SCAF4: variants seen among roughly 807,000 people sequenced by gnomAD.
SCAF4 encodes the protein SR-related CTD associated factor 4.
A neutral mutation model predicts 129.8 loss-of-function variants in SCAF4; 25 were observed. That is an observed-to-expected ratio of 0.19 (90% CI 0.14 to 0.27). The LOEUF is 0.27. Ranked by LOEUF, SCAF4 falls within the 10% of genes least tolerant of loss-of-function variation. The probability of loss-of-function intolerance (pLI) is 1.00; values close to 1 mark genes in which losing one functional copy is unlikely to be tolerated. For missense variants in SCAF4, 1,246 were observed against 1,457.1 expected (o/e 0.86, Z 2.36); for synonymous variants, 551 against 497.7 (o/e 1.11, Z -1.43).
chr21:31,694,421 T>A (rs1466443925), intron 10 of SCAF4, 132 bp from the exon 11 acceptor site: 1 of 588,312 alleles, frequency 1.7e-6, no homozygotes, highest in African/African-American at 1.9e-5. Flanking sequence ...GGGACCAAAT[T>A]ACTAGTAACA....
chr21:31,687,936 C>T (rs769553918), intron 16 of SCAF4, among the ~76,000 whole-genome samples: 1 of 151,512 alleles, frequency 6.6e-6, no homozygotes, highest in Non-Finnish European at 1.5e-5. Context: ...GGTGAAGCCC[C>T]GTCTCTACTA....
chr21:31,725,094 A>G (rs751284189), intron 1 of SCAF4, among the ~76,000 whole-genome samples: 1 of 152,148 alleles, frequency 6.6e-6, no homozygotes, highest in Non-Finnish European at 1.5e-5. Flanking sequence ...AACTCCTGGG[A>G]TAACAGCACA....
At chr21:31,710,654 G>A (rs1405963488) in intron 1 of SCAF4, among the ~76,000 whole-genome samples, 4 of 152,168 alleles carry the variant, frequency 2.6e-5, no homozygotes, top group South Asian at 2.1e-4. Flanking sequence ...TGAGCACCAG[G>A]ACAAAGTAGA....
intron 4 of SCAF4, 83 bp from the exon 5 acceptor site, chr21:31,702,462 A>G: frequency 8.1e-7 from 1 of 1,240,734 alleles, no homozygotes; most frequent in Non-Finnish European, 1.1e-6. Flanking sequence ...AGAGAGGAAA[A>G]CTCCCTAGGC....
chr21:31,691,975 A>G, intron 13 of SCAF4, 45 bp from the exon 14 acceptor site: 1 of 1,046,026 alleles, frequency 9.6e-7, no homozygotes, highest in African/African-American at 1.6e-5. Flanking sequence ...CAAAATTGAA[A>G]AGCAACAAGA....
chr21:31,725,495 T>C (rs2123692388), intron 1 of SCAF4, among the ~76,000 whole-genome samples: 1 of 152,314 alleles, frequency 6.6e-6, no homozygotes, highest in South Asian at 2.1e-4. Flanking sequence ...TCATAAAGCC[T>C]AATTTATGTC....
chr21:31,725,677 GA>G (rs1295132974), intron 1 of SCAF4, among the ~76,000 whole-genome samples: 1 of 152,108 alleles, frequency 6.6e-6, no homozygotes, highest in Non-Finnish European at 1.5e-5. Flanking sequence ...GTTTTCATAT[GA>G]ATACTAAGAT....
chr21:31,711,239 G>A (rs1431730311), intron 1 of SCAF4, among the ~76,000 whole-genome samples: 1 of 152,130 alleles, frequency 6.6e-6, no homozygotes, highest in East Asian at 1.9e-4. Flanking sequence ...CAAAATTGGA[G>A]GTTTGCAAAA....
At chr21:31,685,023 A>T in intron 19 of SCAF4, 26 bp downstream of exon 19, 2 of 1,396,592 alleles carry the variant, frequency 1.4e-6, no homozygotes, top group Non-Finnish European at 2.0e-6. Flanking sequence ...GGCAAGGAAA[A>T]CTAATGATAA....
rs1042296295 is a variant in SCAF4 at position 31,692,254 on chromosome 21, G to A, written c.1614+95C>T. ...AAATTCTAGTCACATCTATAAACCT[G>A]GGCAAATTGTAACTTTGGTCTCAGG... On this transcript the variant is annotated intron_variant, in intron 13 of 19. Coordinates refer to ENST00000286835, the MANE Select transcript of SCAF4 (RefSeq NM_020706.2). 27 of 888,506 alleles carry A rather than the reference G, an allele frequency of 3.0e-5. No homozygotes were observed. The African/African-American group carries it at 3.3e-4, about 11-fold the overall frequency. 55.0% of individuals were successfully genotyped at this position (888,506 alleles called of 1,614,324 possible).
chr21:31,717,488 T>C (rs185378035), intron 1 of SCAF4, among the ~76,000 whole-genome samples: 55 of 152,282 alleles, frequency 3.6e-4, no homozygotes, highest in Non-Finnish European at 6.9e-4. Flanking sequence ...TTCATGGATT[T>C]AAAAATGAAC....
chr21:31,732,117 C>T lies in SCAF4; in HGVS notation c.-425G>A, dbSNP rs1250338409. On this transcript the variant is annotated 5_prime_UTR_variant, in exon 1 of 20. Transcript: ENST00000286835. Reference sequence around the variant, plus strand: ...CCGAGTCCACGCCGCGCGGGGCACCCTGGGACGGCTCAGGCCTCCCGGCGC... The same window carrying T: ...CCGAGTCCACGCCGCGCGGGGCACCTTGGGACGGCTCAGGCCTCCCGGCGC... The T allele has an allele frequency of 5.0e-6, 2 of 398,880 alleles. No homozygotes were observed. The highest frequency in any genetic ancestry group is 8.8e-6 in the Non-Finnish European group (2 of 227,272). 24.7% of individuals were successfully genotyped at this position (398,880 alleles called of 1,614,324 possible).
chr21:31,674,705 G>A (rs771304830), intron 19 of SCAF4, among the ~76,000 whole-genome samples: 1 of 152,120 alleles, frequency 6.6e-6, no homozygotes, highest in Non-Finnish European at 1.5e-5. Context: ...GAGTTACCCA[G>A]GTGAAAAGGG....
At position 31,717,880 on chromosome 21, in the gene SCAF4, T is replaced by C. The variant is rs868255475; in HGVS notation, c.31-11523A>G. ...ACACACACACACACACATATACACA[T>C]ATATACACATATATACACATATATA... On this transcript the variant is annotated intron_variant, in intron 1 of 19. Coordinates refer to ENST00000286835, the MANE Select transcript of SCAF4 (RefSeq NM_020706.2). 4.2e-3 allele frequency among the ~76,000 whole-genome samples: 422 copies of C among 101,040 alleles called. 3 individuals carry two copies. Among genetic ancestry groups the C allele is most frequent in the African/African-American group, 0.015 (335 of 21,646 alleles). The allele number at this position is 101,040 out of a possible 152,430, so 66.3% of individuals were successfully genotyped here. A position where few individuals can be genotyped will look rare whatever the true frequency, so the allele number is the denominator to read the frequency against.
At chr21:31,674,252 G>T in intron 19 of SCAF4, among the ~76,000 whole-genome samples, 1 of 152,098 alleles carries the variant, frequency 6.6e-6, no homozygotes, top group East Asian at 1.9e-4. Flanking sequence ...ATTCATTTGA[G>T]GGTATAAATT....
chr21:31,724,586 T>G (rs544431152), intron 1 of SCAF4, among the ~76,000 whole-genome samples: 46 of 152,306 alleles, frequency 3.0e-4, no homozygotes, highest in African/African-American at 1.1e-3. Flanking sequence ...GTTATCAAGG[T>G]GTATTTCAAA....
chr21:31,697,974 C>T lies in SCAF4; in HGVS notation c.778-1224G>A, dbSNP rs143767105. Among the ~76,000 whole-genome samples the T allele has an allele frequency of 3.3e-4, 50 of 152,240 alleles. 1 individual carries two copies. The East Asian group carries it at 9.6e-3, about 29-fold the overall frequency. Reference sequence around the variant, plus strand: ...TGGCAACAATAAAATATTTTTACTACCATCTTTATTTTACACTACTGAACA... The same window carrying T: ...TGGCAACAATAAAATATTTTTACTATCATCTTTATTTTACACTACTGAACA... On this transcript the variant is annotated intron_variant, in intron 7 of 19. Coordinates refer to ENST00000286835, the MANE Select transcript of SCAF4 (RefSeq NM_020706.2).
intron 4 of SCAF4, among the ~76,000 whole-genome samples, chr21:31,703,206 C>A (rs1441808187): frequency 1.3e-5 from 2 of 152,056 alleles, no homozygotes. Context: ...ATCAGATGAT[C>A]GCTGTCTTTT....
chr21:31,675,149 G>A (rs1006105504), intron 19 of SCAF4, among the ~76,000 whole-genome samples: 1 of 152,208 alleles, frequency 6.6e-6, no homozygotes, highest in Non-Finnish European at 1.5e-5. Flanking sequence ...ATGACTTGAT[G>A]AAAACTAAGA....
Sources: gnomAD v4.1 joint callset for allele counts (sites outside exome capture counted in the v4.1 genomes callset) on GRCh38, gnomAD v4.1.1 for gene constraint, MANE v1.5 for transcripts, NCBI Gene and HGNC (gene_info 2026-07-23, HGNC 2026-07-21) for gene names.